The following TPO variants were observed in gnomAD, a reference collection of about 807,000 sequenced individuals.
The protein encoded by TPO is thyroid microsomal antigen.
Under a neutral mutation model 96.9 loss-of-function variants are expected in TPO, and 78 were observed. The ratio of observed to expected loss-of-function variants is 0.81; its 90% CI spans 0.67 to 0.97. TPO has a LOEUF of 0.97. Among genes scored for constraint, TPO ranks in the 50% least tolerant of loss-of-function variants. TPO has a pLI of 0.00. For missense variants in TPO, 1,252 were observed against 1,274.8 expected (o/e 0.98, Z 0.27); for synonymous variants, 547 against 538.0 (o/e 1.02, Z -0.23).
upstream of TPO, among the ~76,000 whole-genome samples, chr2:1,409,419 T>G (rs1422096090): frequency 6.6e-6 from 1 of 152,200 alleles, no homozygotes; most frequent in Non-Finnish European, 1.5e-5. Flanking sequence ...ACAGGGGAAT[T>G]TAATTAAGTT....
chr2:1,535,097 T>C (rs74201495), intron 15 of TPO, among the ~76,000 whole-genome samples: 7,408 of 13,148 alleles, frequency 0.56, 1,616 homozygotes, highest in Middle Eastern at 0.64. Context: ...CAAATCTACC[T>C]AACTCTGTGT....
At chr2:1,404,329 A>T (rs11678852) in intron 1 of TPO, among the ~76,000 whole-genome samples, 59,250 of 152,008 alleles carry the variant, frequency 0.39, 11,752 homozygotes, top group Admixed American at 0.49. Flanking sequence ...AGAGGAGTAG[A>T]CAGGGCCTCC....
chr2:1,508,392 G>T (rs1378950561), intron 14 of TPO, among the ~76,000 whole-genome samples: 1 of 152,124 alleles, frequency 6.6e-6, no homozygotes, highest in Non-Finnish European at 1.5e-5. Flanking sequence ...GGATGATGCT[G>T]GCCTCATAAA....
chr2:1,522,354 C>A (rs1266426905), intron 15 of TPO, among the ~76,000 whole-genome samples: 1 of 86,554 alleles, frequency 1.2e-5, no homozygotes, highest in Non-Finnish European at 2.5e-5. Context: ...CACAGACTCT[C>A]TACCCCACAC....
intron 3 of TPO, among the ~76,000 whole-genome samples, chr2:1,428,916 C>T (rs905339170): frequency 2.0e-5 from 3 of 152,116 alleles, no homozygotes; most frequent in Non-Finnish European, 4.4e-5. Flanking sequence ...CGAGAGTCTC[C>T]TGTCTTTGGC....
chr2:1,384,627 T>G (rs1371344269), intron 1 of TPO, among the ~76,000 whole-genome samples: 1 of 152,156 alleles, frequency 6.6e-6, no homozygotes, highest in East Asian at 1.9e-4. Flanking sequence ...ATGATGGGGT[T>G]TTCTAAATAT....
chr2:1,402,383 C>A (rs978949394), intron 1 of TPO, among the ~76,000 whole-genome samples: 3 of 152,272 alleles, frequency 2.0e-5, no homozygotes, highest in South Asian at 4.1e-4. Flanking sequence ...CCCCGAAGGA[C>A]CTGCTTAGGA....
chr2:1,496,539 G>A (rs1672368851), intron 12 of TPO, 56 bp from the exon 13 acceptor site: 1 of 1,609,968 alleles, frequency 6.2e-7, no homozygotes, highest in Non-Finnish European at 8.5e-7. Flanking sequence ...GGACGTTGGT[G>A]TGTGGTTTTC....
At chr2:1,525,465 C>A (rs1208041731) in intron 15 of TPO, among the ~76,000 whole-genome samples, 1 of 84,100 alleles carries the variant, frequency 1.2e-5, no homozygotes, top group Non-Finnish European at 2.3e-5. Flanking sequence ...GCAACACCCC[C>A]AAATTTCCCC....
intron 3 of TPO, among the ~76,000 whole-genome samples, chr2:1,426,139 A>G (rs535804860): frequency 2.1e-5 from 3 of 142,260 alleles, no homozygotes; most frequent in East Asian, 2.3e-4. Flanking sequence ...CTGTAAAGTC[A>G]TTGTTCTAGA....
chr2:1,443,616 A>G (rs1164240864), intron 5 of TPO, among the ~76,000 whole-genome samples: 2 of 130,320 alleles, frequency 1.5e-5, no homozygotes, highest in South Asian at 5.6e-4. Context: ...AGGAGGTACC[A>G]TGTTGGAAGG....
At chr2:1,475,660 T>G (rs1573340552) in intron 7 of TPO, among the ~76,000 whole-genome samples, 2 of 152,266 alleles carry the variant, frequency 1.3e-5, no homozygotes, top group Admixed American at 1.3e-4. Flanking sequence ...CCTGACCTCG[T>G]GATCCGCCCA....
At chr2:1,497,336 G>A (rs1672458772) in intron 13 of TPO, among the ~76,000 whole-genome samples, 1 of 152,230 alleles carries the variant, frequency 6.6e-6, no homozygotes. Context: ...CTCCTCCCAT[G>A]TGCTGGCTTG....
intron 15 of TPO, among the ~76,000 whole-genome samples, chr2:1,535,721 CCCAG>C: frequency 7.1e-5 from 7 of 98,456 alleles, no homozygotes; most frequent in African/African-American, 7.2e-5. Flanking sequence ...CCGAAATCCA[CCCAG>C]TGTGTGCAAC....
intron 5 of TPO, chr2:1,438,985 T>C: frequency 1.6e-6 from 1 of 616,654 alleles, no homozygotes; most frequent in Non-Finnish European, 3.0e-6. Flanking sequence ...CAGTAGAGCC[T>C]GAACCTTTCT....
At chr2:1,486,376 C>T (rs1206556249) in intron 9 of TPO, among the ~76,000 whole-genome samples, 1 of 151,690 alleles carries the variant, frequency 6.6e-6, no homozygotes, top group Non-Finnish European at 1.5e-5. Context: ...ACAAAATAAA[C>T]AAACAAAAAA....
At chr2:1,523,143 C>T (rs1675553052) in intron 15 of TPO, among the ~76,000 whole-genome samples, 1 of 143,798 alleles carries the variant, frequency 7.0e-6, no homozygotes. Flanking sequence ...CCACCCTGTG[C>T]ATCCTCCCAA....
At chr2:1,537,439 C>CT (rs1680017846) in intron 15 of TPO, among the ~76,000 whole-genome samples, 3 of 72,596 alleles carry the variant, frequency 4.1e-5, no homozygotes, top group South Asian at 5.1e-4. Flanking sequence ...TGTGTGCAAA[C>CT]TCCCAAATCT....
intron 2 of TPO, among the ~76,000 whole-genome samples, chr2:1,422,779 T>A (rs1663898794): frequency 6.6e-6 from 1 of 152,132 alleles, no homozygotes; most frequent in African/African-American, 2.4e-5. Flanking sequence ...TCGGAATCAT[T>A]TGAAGTGGTT....
Sources: allele counts gnomAD v4.1 joint callset (sites outside exome capture counted in the v4.1 genomes callset), GRCh38; gene constraint gnomAD v4.1.1; transcripts MANE v1.5; gene names NCBI Gene and HGNC (gene_info 2026-07-23, HGNC 2026-07-21).